TRABD2A: variants seen among roughly 807,000 people sequenced by gnomAD.
TRABD2A encodes the protein metalloprotease TIKI1.
TRABD2A carries 43 observed loss-of-function variants against 45.6 expected under a neutral mutation model. The observed-to-expected ratio is 0.94, with a 90% CI of 0.74 to 1.22. The LOEUF (loss-of-function observed/expected upper bound fraction) is 1.22. Among genes scored for constraint, TRABD2A ranks in the 50% most tolerant of loss-of-function variants. The pLI is 0.00. For missense variants in TRABD2A, 642 were observed against 652.4 expected, an observed-to-expected ratio of 0.98 and a Z score of 0.17; for synonymous variants, 269 against 265.0, an observed-to-expected ratio of 1.02 and a Z score of -0.15.
chr2:84,861,290 G>T (rs1682489623), intron 2 of TRABD2A, among the ~76,000 whole-genome samples: 1 of 152,112 alleles, frequency 6.6e-6, no homozygotes, highest in African/African-American at 2.4e-5. Flanking sequence ...TCTAATAAAA[G>T]AATTCTACAA....
chr2:84,863,435 G>A (rs958797190), intron 2 of TRABD2A, among the ~76,000 whole-genome samples: 7 of 150,356 alleles, frequency 4.7e-5, no homozygotes, highest in South Asian at 2.1e-4. Flanking sequence ...TAGTAGACAC[G>A]GGGTTTCACC....
chr2:84,875,249 C>CT (rs1682989368), intron 1 of TRABD2A, among the ~76,000 whole-genome samples: 1 of 152,208 alleles, frequency 6.6e-6, no homozygotes, highest in Non-Finnish European at 1.5e-5. Flanking sequence ...ATAAAGACAT[C>CT]TAAGCCTTGC....
rs140276390 is a variant in TRABD2A, at chr2:84,827,117, G to A, written c.1083-2913C>T. Among the ~76,000 whole-genome samples, 1,096 of 152,274 alleles carry A rather than the reference G, an allele frequency of 7.2e-3. 12 individuals carry two copies. Among genetic ancestry groups the A allele is most frequent in the African/African-American group, 0.024 (1,013 of 41,554 alleles). ...GATCCCATCACAGGCTCAAGATCTA[G>A]ATTACCATGTTTTGACCCACCTGGA... On this transcript the variant is annotated intron_variant, in intron 5 of 6. Transcript: ENST00000409520.
Position 84,830,763 on chromosome 2 carries a change from G to A in TRABD2A, c.1082+1292C>T, listed in dbSNP as rs780390667. Among the ~76,000 whole-genome samples the A allele has an allele frequency of 3.4e-4, 52 of 152,306 alleles. No individual in the cohort carries two copies. The highest frequency in any genetic ancestry group is 3.4e-3 in the Middle Eastern group (1 of 294). ...GTCCAGGATGTATCCAGGATTTCCC[G>A]CCTGAAGGGAGACTGGCAGGAGCCT... On this transcript the variant is annotated intron_variant, in intron 5 of 6. Coordinates refer to ENST00000409520, the MANE Select transcript of TRABD2A (RefSeq NM_001277053.2). This position sits in a 1 kb window ranked among gnomAD's most constrained non-coding sequence, Gnocchi z 4.9.
chr2:84,854,129 C>T (rs79969738), intron 2 of TRABD2A, among the ~76,000 whole-genome samples: 15,345 of 151,344 alleles, frequency 0.1, 1,029 homozygotes, highest in Non-Finnish European at 0.15. Flanking sequence ...AGTATAACAA[C>T]TATTTACATT....
At chr2:84,859,378 CA>C (rs913815231) in intron 2 of TRABD2A, among the ~76,000 whole-genome samples, 47 of 151,724 alleles carry the variant, frequency 3.1e-4, no homozygotes, top group African/African-American at 7.5e-4. Context: ...AGACCCATAC[CA>C]AAAAAAAGTG....
chr2:84,868,223 GGGC>G (rs1682745814), intron 2 of TRABD2A, among the ~76,000 whole-genome samples: 1 of 151,996 alleles, frequency 6.6e-6, no homozygotes, highest in Non-Finnish European at 1.5e-5. Context: ...TAAGAAAATG[GGGC>G]ACATATACGC....
chr2:84,871,697 G>C (rs541130152), intron 1 of TRABD2A, among the ~76,000 whole-genome samples: 1 of 152,222 alleles, frequency 6.6e-6, no homozygotes, highest in Non-Finnish European at 1.5e-5. Context: ...ATATTGGCCA[G>C]GCTGGTCTCA....
At chr2:84,841,463 T>C (rs1559088169) in intron 3 of TRABD2A, among the ~76,000 whole-genome samples, 1 of 152,246 alleles carries the variant, frequency 6.6e-6, no homozygotes, top group Admixed American at 6.5e-5. Context: ...AGCTATATCA[T>C]GTTCACATGT....
chr2:84,847,141 G>T lies in TRABD2A; in HGVS notation c.670-5134C>A, dbSNP rs577063061. On this transcript the variant is annotated intron_variant, in intron 2 of 6. Transcript: ENST00000409520. ...CCAGTGAGGAGCCAAGTCCAGGGCA[G>T]GGCGGTGCTCCAAGGGAAATCTCCA... Among the ~76,000 whole-genome samples, 5 of 152,318 alleles carry T rather than the reference G, an allele frequency of 3.3e-5. No homozygotes were observed. In the South Asian group the frequency reaches 1.0e-3, roughly 32 times the overall value.
intron 2 of TRABD2A, among the ~76,000 whole-genome samples, 196 bp from the exon 3 acceptor site, chr2:84,842,203 C>T (rs953528114): frequency 2.0e-5 from 3 of 152,178 alleles, no homozygotes; most frequent in Non-Finnish European, 4.4e-5. Context: ...CAAATCAGCC[C>T]CAATCAGACA....
At chr2:84,829,975 C>A (rs1162884528) in intron 5 of TRABD2A, among the ~76,000 whole-genome samples, 1 of 150,408 alleles carries the variant, frequency 6.6e-6, no homozygotes, top group Non-Finnish European at 1.5e-5. Flanking sequence ...TCACACACAC[C>A]ACACACCAGA....
rs781144232 is a variant in TRABD2A, at chr2:84,821,964, A to C, written c.1471T>G (p.Phe491Val). 5.6e-6 allele frequency: 9 copies of C among 1,606,252 alleles called. No homozygotes were observed. The highest frequency in any genetic ancestry group is 7.6e-6 in the Non-Finnish European group (9 of 1,176,492). Residue 491 changes from phenylalanine to valine, a missense_variant, in exon 7 of 7, where the codon TTC becomes GTC. Transcript: ENST00000409520. ...SACLSLWTPV[F>V]WVLVLAFQTE... ...TGGAAAGCCAGCACCAGCACCCAGAACACAGGAGTCCAGAGAGACAGGCAG... is the reference window on the plus strand; with the variant it reads ...TGGAAAGCCAGCACCAGCACCCAGACCACAGGAGTCCAGAGAGACAGGCAG...
intron 1 of TRABD2A, among the ~76,000 whole-genome samples, chr2:84,871,283 G>T (rs1386008496): frequency 6.6e-6 from 1 of 152,132 alleles, no homozygotes; most frequent in Non-Finnish European, 1.5e-5. Flanking sequence ...CCATCTAAGA[G>T]ACACCTGAGA....
intron 3 of TRABD2A, among the ~76,000 whole-genome samples, chr2:84,840,358 C>G (rs932430934): frequency 1.3e-5 from 2 of 152,290 alleles, no homozygotes; most frequent in South Asian, 4.1e-4. Context: ...CAGAGCCCCC[C>G]TCTCTACCAG....
rs202220791 is a variant in TRABD2A at position 84,824,014 on chromosome 2, G to A, written c.1273C>T (p.Arg425Trp). Reference sequence around the variant, plus strand: ...CGGAGTCGCGGCCTCCGCTGTGACCGCCTCCGCTTCTTCCGGAACCTCTGT... The same window carrying A: ...CGGAGTCGCGGCCTCCGCTGTGACCACCTCCGCTTCTTCCGGAACCTCTGT... ...AEQRFRKKRR[R>W]SQRRPRLRQF... Residue 425 changes from arginine to tryptophan, a missense_variant, in exon 6 of 7, where the codon CGG becomes TGG. By Grantham distance (101) the Arg-to-Trp change is moderately radical (BLOSUM62 -3). Coordinates refer to ENST00000409520, the MANE Select transcript of TRABD2A (RefSeq NM_001277053.2). The A allele has an allele frequency of 2.2e-5, 36 of 1,613,800 alleles. No homozygotes were observed. Among genetic ancestry groups the A allele is most frequent in the Middle Eastern group, 1.7e-4 (1 of 6,056 alleles).
At chr2:84,871,089 T>A (rs1427794399) in intron 1 of TRABD2A, among the ~76,000 whole-genome samples, 1 of 152,176 alleles carries the variant, frequency 6.6e-6, no homozygotes, top group Non-Finnish European at 1.5e-5. Flanking sequence ...CTGATTGGTC[T>A]GGGATGAGAC....
chr2:84,843,375 C>T (rs184308531), intron 2 of TRABD2A, among the ~76,000 whole-genome samples: 1 of 152,178 alleles, frequency 6.6e-6, no homozygotes, highest in Admixed American at 6.5e-5. Context: ...AATGACCCTA[C>T]CCAGCCCCAA....
At chr2:84,862,835 C>A (rs1329256700) in intron 2 of TRABD2A, among the ~76,000 whole-genome samples, 1 of 151,760 alleles carries the variant, frequency 6.6e-6, no homozygotes, top group Non-Finnish European at 1.5e-5. Context: ...GAGCTAAAGT[C>A]TGCACCTGCG....
Sources: allele counts gnomAD v4.1 joint callset (sites outside exome capture counted in the v4.1 genomes callset), GRCh38; gene constraint gnomAD v4.1.1; non-coding constraint Gnocchi (gnomAD v3.1); transcripts MANE v1.5; gene names NCBI Gene and HGNC (gene_info 2026-07-23, HGNC 2026-07-21).